SEL1L2: variants seen among roughly 807,000 people sequenced by gnomAD.
The protein encoded by SEL1L2 is protein sel-1 homolog 2.
SEL1L2 carries 89 observed loss-of-function variants against 98.8 expected under a neutral mutation model. The observed-to-expected ratio is 0.90, with a 90% CI of 0.76 to 1.07. The LOEUF (loss-of-function observed/expected upper bound fraction) is 1.07, where lower values mean the gene tolerates loss of function less well. SEL1L2 is among the 50% of genes least tolerant of loss of function. SEL1L2 has a pLI of 0.00. For synonymous variants in SEL1L2, 262 were observed against 278.5 expected (o/e 0.94, Z 0.59); for missense variants, 788 against 812.0 (o/e 0.97, Z 0.36).
At chr20:13,879,624 A>G (rs1003960668) in intron 10 of SEL1L2, among the ~76,000 whole-genome samples, 2 of 152,116 alleles carry the variant, frequency 1.3e-5, no homozygotes, top group Non-Finnish European at 2.9e-5. Context: ...TAGTGCTGGG[A>G]TTACAGGTGT....
At chr20:13,904,772 AT>A (rs1331708946) in intron 5 of SEL1L2, among the ~76,000 whole-genome samples, 1 of 152,188 alleles carries the variant, frequency 6.6e-6, no homozygotes, top group Non-Finnish European at 1.5e-5. Flanking sequence ...ACTCTTGGCA[AT>A]TCTTGATTCT....
Position 13,933,437 on chromosome 20 carries a change from C to T in SEL1L2, c.115-1666G>A, listed in dbSNP as rs868852412. On this transcript the variant is annotated intron_variant, in intron 2 of 19. Coordinates refer to ENST00000284951, the MANE Select transcript of SEL1L2 (RefSeq NM_025229.2). ...TCCCTGTACTCCCATCCTCCCTACC[C>T]CAGCCCTAAGCAACCACTAATCTAT... Among the ~76,000 whole-genome samples the T allele has an allele frequency of 2.6e-5, 4 of 152,136 alleles. No homozygotes were observed. The South Asian group carries it at 6.2e-4, about 24-fold the overall frequency.
At chr20:13,920,229 A>C (rs1023555151) in intron 3 of SEL1L2, among the ~76,000 whole-genome samples, 3 of 99,562 alleles carry the variant, frequency 3.0e-5, no homozygotes, top group African/African-American at 8.2e-5. Context: ...CTCCGTCCCA[A>C]AAAAAAAAAA....
In SEL1L2 at chr20:13,849,596, C is replaced by T. The variant is rs192814784; in HGVS notation, c.1956G>A (p.Thr652=). ...TGTCCAGTTTCAGCCAGTTCCATCT[C>T]GTTGTGAACTGCTGGCAAGAGACAT... ...LRDILFFNFT[T]RWNWLKLDNT... Residue 652 remains threonine, a synonymous_variant, in exon 20 of 20, where the codon ACG becomes ACA. Coordinates refer to ENST00000284951, the MANE Select transcript of SEL1L2 (RefSeq NM_025229.2). 41 of 1,613,810 alleles carry T rather than the reference C, an allele frequency of 2.5e-5. No homozygotes were observed. The Admixed American group carries it at 4.2e-4, about 16-fold the overall frequency.
At chr20:13,859,169 A>G in intron 18 of SEL1L2, 93 bp downstream of exon 18, 1 of 1,217,458 alleles carries the variant, frequency 8.2e-7, no homozygotes, top group Admixed American at 1.9e-5. Context: ...CTTCCTCTAC[A>G]TTGATGACAT....
At chr20:13,955,661 A>G (rs2148444478) in intron 2 of SEL1L2, among the ~76,000 whole-genome samples, 1 of 152,354 alleles carries the variant, frequency 6.6e-6, no homozygotes, top group Admixed American at 6.5e-5. Context: ...AATAAACTGA[A>G]AATTTGAATC....
intron 4 of SEL1L2, among the ~76,000 whole-genome samples, chr20:13,916,576 C>T (rs1409799946): frequency 6.6e-5 from 10 of 152,136 alleles, no homozygotes; most frequent in African/African-American, 9.7e-5. Context: ...GAGGCTGAGG[C>T]GGGCAGATCA....
At position 13,868,418 on chromosome 20, in the gene SEL1L2, C is replaced by G. The variant is rs567023755; in HGVS notation, c.1255+1085G>C. ...AAAGTAACTCCCTCTGGGTCCTAGT[C>G]CCCCTGATGCTGAGTTCCTTCTCTT... On this transcript the variant is annotated intron_variant, in intron 14 of 19. Coordinates refer to ENST00000284951, the MANE Select transcript of SEL1L2 (RefSeq NM_025229.2). Among the ~76,000 whole-genome samples the G allele has an allele frequency of 1.1e-4, 16 of 152,122 alleles. No individual in the cohort carries two copies. In the South Asian group the frequency reaches 1.2e-3, roughly 12 times the overall value.
chr20:13,973,836 G>A (rs1258388672), intron 1 of SEL1L2, among the ~76,000 whole-genome samples: 1 of 152,128 alleles, frequency 6.6e-6, no homozygotes, highest in African/African-American at 2.4e-5. Context: ...TGGGGTGCCT[G>A]GGAATCCCTA....
chr20:13,988,490 T>A lies in SEL1L2; in HGVS notation c.58+1987A>T, dbSNP rs577008467. ...TTGCCAAAAATCAGTTGATGATAAG[T>A]GTGATAGTTTACTTGTAAAACTCTC... On this transcript the variant is annotated intron_variant, in intron 1 of 19. Coordinates refer to ENST00000284951, the MANE Select transcript of SEL1L2 (RefSeq NM_025229.2). Among the ~76,000 whole-genome samples the A allele has an allele frequency of 3.4e-3, 519 of 152,332 alleles. 3 individuals carry two copies. The highest frequency in any genetic ancestry group is 5.3e-3 in the Non-Finnish European group (360 of 68,032).
intron 1 of SEL1L2, among the ~76,000 whole-genome samples, chr20:13,958,736 A>T (rs2050652517): frequency 6.6e-6 from 1 of 151,726 alleles, no homozygotes; most frequent in East Asian, 1.9e-4. Flanking sequence ...GGAGATCGAG[A>T]CCATCCTGGC....
chr20:13,994,899 T>C (rs977414094), upstream of SEL1L2: 10 of 152,268 alleles, frequency 6.6e-5, no homozygotes, highest in African/African-American at 2.4e-4. Flanking sequence ...CAAATTCCAA[T>C]GAAATTTGTA....
intron 5 of SEL1L2, among the ~76,000 whole-genome samples, chr20:13,899,725 A>G (rs117384187): frequency 4.9e-4 from 75 of 152,312 alleles, no homozygotes; most frequent in Non-Finnish European, 8.7e-4. Flanking sequence ...GATTTTGGAG[A>G]GGACACAAAC....
At chr20:13,867,191 G>A (rs563291886) in intron 14 of SEL1L2, among the ~76,000 whole-genome samples, 12 of 152,184 alleles carry the variant, frequency 7.9e-5, no homozygotes, top group Non-Finnish European at 1.6e-4. Context: ...GCGCCACCAT[G>A]ATTTATCTCG....
At chr20:13,950,540 G>A (rs570720099) in intron 2 of SEL1L2, among the ~76,000 whole-genome samples, 3 of 152,226 alleles carry the variant, frequency 2.0e-5, no homozygotes, top group Non-Finnish European at 2.9e-5. Context: ...GAACAACCTG[G>A]AAAGATATCA....
chr20:13,908,671 C>T (rs1438365900), intron 5 of SEL1L2, among the ~76,000 whole-genome samples: 1 of 152,178 alleles, frequency 6.6e-6, no homozygotes, highest in African/African-American at 2.4e-5. Context: ...TCAATTTCCA[C>T]CATTTTCATG....
upstream of SEL1L2, among the ~76,000 whole-genome samples, chr20:13,992,604 A>C (rs2052566936): frequency 6.6e-6 from 1 of 152,208 alleles, no homozygotes; most frequent in Admixed American, 6.5e-5. Context: ...GCATAGTATA[A>C]AATAAGGCTG....
At chr20:13,942,130 A>G (rs2049810057) in intron 2 of SEL1L2, among the ~76,000 whole-genome samples, 1 of 152,220 alleles carries the variant, frequency 6.6e-6, no homozygotes, top group South Asian at 2.1e-4. Context: ...TCACCTTCTC[A>G]CCAGTGGTCT....
At chr20:13,860,847 A>C (rs911161003) in intron 17 of SEL1L2, among the ~76,000 whole-genome samples, 1 of 152,030 alleles carries the variant, frequency 6.6e-6, no homozygotes, top group Non-Finnish European at 1.5e-5. Context: ...CTCCACTTGG[A>C]TTTCAAACTT....
Sources: allele counts gnomAD v4.1 joint callset (sites outside exome capture counted in the v4.1 genomes callset), GRCh38; gene constraint gnomAD v4.1.1; transcripts MANE v1.5; gene names NCBI Gene and HGNC (gene_info 2026-07-23, HGNC 2026-07-21).